Variants in PCP2 observed in about 807,000 individuals in gnomAD.
PCP2 encodes Purkinje cell protein 2 homolog.
A neutral mutation model predicts 18.3 loss-of-function variants in PCP2; 21 were observed. The observed-to-expected ratio is 1.14, with a 90% CI of 0.81 to 1.65. PCP2 has a LOEUF of 1.65. Ranked by LOEUF, PCP2 falls within the 40% of genes most tolerant of loss-of-function variation. The pLI is 0.00. For missense variants in PCP2, 202 were observed against 201.8 expected (o/e 1.00, Z 0.00); for synonymous variants, 85 against 77.6 (o/e 1.10, Z -0.50).
At position 7,632,457 on chromosome 19, in the gene PCP2, C is replaced by T. The variant is rs61741491; in HGVS notation, c.227G>A (p.Arg76His). ...TGTCACACGTTGGTCATCCATGCGG[C>T]GGCCCTGGGTACTGGCCAGCATGTC... Reference protein sequence around the residue: ...LMDMLASTQGRRMDDQRVTVS... With the variant: ...LMDMLASTQGHRMDDQRVTVS... The change falls in exon 3 of 4, where the codon CGC (arginine) becomes CAC (histidine). Residue 76 changes from arginine to histidine, a missense_variant. Coordinates refer to ENST00000311069, the MANE Select transcript of PCP2 (RefSeq NM_174895.3). This position sits in a 1 kb window ranked among gnomAD's most constrained non-coding sequence, Gnocchi z 5.2. 3,832 of 1,613,800 alleles carry T rather than the reference C, an allele frequency of 2.4e-3. 77 individuals are homozygous for T. In the African/African-American group the frequency reaches 0.044, roughly 18 times the overall value.
rs1400719882 is a variant in PCP2 at position 7,632,608 on chromosome 19, C to T, written c.167-91G>A. 3 of 1,589,672 alleles carry T rather than the reference C, an allele frequency of 1.9e-6. No individual in the cohort carries two copies. Among genetic ancestry groups the T allele is most frequent in the Admixed American group, 1.7e-5 (1 of 59,400 alleles). On this transcript the variant is annotated intron_variant, in intron 2 of 3. Transcript: ENST00000311069. This position sits in a 1 kb window ranked among gnomAD's most constrained non-coding sequence, Gnocchi z 5.2. ...ACCCCCACACAGATGCTTCAGGGTGCACAACCACCTCCCACATCCCGTGCC... is the reference window on the plus strand; with the variant it reads ...ACCCCCACACAGATGCTTCAGGGTGTACAACCACCTCCCACATCCCGTGCC...
upstream of PCP2, among the ~76,000 whole-genome samples, chr19:7,635,325 T>C (rs974369543): frequency 6.6e-6 from 1 of 152,218 alleles, no homozygotes; most frequent in Admixed American, 6.5e-5. Context: ...CCAAAAATAC[T>C]GAAAGCCATT....
chr19:7,631,769 G>T lies in PCP2; in HGVS notation c.331C>A (p.Pro111Thr), dbSNP rs141611388. Residue 111 changes from proline to threonine, a missense_variant, in exon 4 of 4, where the codon CCC becomes ACC. Physicochemically the swap from Pro to Thr is conservative, Grantham distance 38. Transcript: ENST00000311069. ...GTCGGGTCCTGAGGGGTGAGCAGGG[G>T]TTGGGGACTGAGGGTCCCAGCTCGT... Reference protein sequence around the residue: ...QKRAGTLSPQPLLTPQDPTAL... With the variant: ...QKRAGTLSPQTLLTPQDPTAL... The T allele has an allele frequency of 9.1e-5, 130 of 1,421,820 alleles. 1 individual carries two copies. In the East Asian group the frequency reaches 1.3e-3, roughly 14 times the overall value. The allele number at this position is 1,421,820 out of a possible 1,614,324, so 88.1% of individuals were successfully genotyped here.
Position 7,631,719 on chromosome 19 carries a change from G to T in PCP2, c.381C>A (p.Ser127Arg). 1 of 1,449,888 alleles carries T rather than the reference G, an allele frequency of 6.9e-7. No individual in the cohort carries two copies. The highest frequency in any genetic ancestry group is 1.5e-5 in the South Asian group (1 of 64,614). The allele number at this position is 1,449,888 out of a possible 1,614,324, so 89.8% of individuals were successfully genotyped here. Residue 127 changes from serine to arginine, a missense_variant, in exon 4 of 4, where the codon AGC (serine) becomes AGA (arginine). Coordinates refer to ENST00000311069, the MANE Select transcript of PCP2 (RefSeq NM_174895.3). ...GGGCTTGTGTCGGGGGCTGGGGGCT[G>T]CTGTTCCGACGGAAGCCGAGAGCGG... Reference protein sequence around the residue: ...DPTALGFRRNSSPQPPTQAP With the variant: ...DPTALGFRRNRSPQPPTQAP
At chr19:7,634,686 A>G (rs1416617733), upstream of PCP2, among the ~76,000 whole-genome samples, 2 of 152,086 alleles carry the variant, frequency 1.3e-5, no homozygotes, top group South Asian at 2.1e-4. Context: ...ATTTTTTTTT[A>G]ACAAATTTAT....
Position 7,632,252 on chromosome 19 carries a change from C to A in PCP2, c.291+141G>T. On this transcript the variant is annotated intron_variant, in intron 3 of 3. Coordinates refer to ENST00000311069, the MANE Select transcript of PCP2 (RefSeq NM_174895.3). This position sits in a 1 kb window ranked among gnomAD's most constrained non-coding sequence, Gnocchi z 5.2. ...TGGGCCCCTCTAGCCACTGCCTGGG[C>A]CTTGGTCCTCCCATCTGAAGTCAGG... 1.5e-6 allele frequency: 2 copies of A among 1,319,282 alleles called. No homozygotes were observed. The highest frequency in any genetic ancestry group is 1.9e-4 in the Middle Eastern group (1 of 5,268). 81.7% of individuals were successfully genotyped at this position (1,319,282 alleles called of 1,614,324 possible).
Position 7,632,520 on chromosome 19 carries a change from G to C in PCP2, c.167-3C>G. ...CATCTCGGGGGTGGGGTCGCTCTCT[G>C]CGTGGACGTTCACAGACTTGGGAGG... is the stretch of plus-strand genomic sequence containing the variant. On this transcript the variant is annotated splice_polypyrimidine_tract_variant and splice_region_variant and intron_variant, in intron 2 of 3. Coordinates refer to ENST00000311069, the MANE Select transcript of PCP2 (RefSeq NM_174895.3). This position sits in a 1 kb window ranked among gnomAD's most constrained non-coding sequence, Gnocchi z 5.2. 1 of 1,612,796 alleles carries C rather than the reference G, an allele frequency of 6.2e-7. No homozygotes were observed. The highest frequency in any genetic ancestry group is 8.5e-7 in the Non-Finnish European group (1 of 1,179,892).
In PCP2 at chr19:7,631,726, CGACGGAAG is replaced by C; in HGVS notation, c.366_373del (p.Phe123GlufsTer15). ...TGTCGGGGGCTGGGGGCTGCTGTTC[CGACGGAAG>C]CCGAGAGCGGTCGGGTCCTGAGGGG... is the stretch of plus-strand genomic sequence containing the variant. On this transcript the variant is annotated frameshift_variant, in exon 4 of 4. Transcript: ENST00000311069. LOFTEE classifies it high-confidence loss of function. The C allele has an allele frequency of 2.8e-6, 4 of 1,438,990 alleles. No individual in the cohort carries two copies. Among genetic ancestry groups the C allele is most frequent in the Non-Finnish European group, 3.7e-6 (4 of 1,093,536 alleles). The allele number at this position is 1,438,990 out of a possible 1,614,324, so 89.1% of individuals were successfully genotyped here.
At chr19:7,636,364 AGTGT>A (rs1282175968), upstream of PCP2, 3 of 151,972 alleles carry the variant, frequency 2.0e-5, no homozygotes, top group Admixed American at 6.6e-5. Context: ...TGAAATTCCG[AGTGT>A]GTGTCTGTGT....
At chr19:7,636,387 A>T (rs1008630685), upstream of PCP2, 3 of 152,170 alleles carry the variant, frequency 2.0e-5, no homozygotes, top group Non-Finnish European at 2.9e-5. Context: ...GTTTGCAAGC[A>T]TTTGAGGGCG....
At position 7,631,756 on chromosome 19, in the gene PCP2, G is replaced by A; in HGVS notation, c.344C>T (p.Pro115Leu). 7.0e-7 allele frequency: 1 copy of A among 1,432,622 alleles called. No individual in the cohort carries two copies. The allele number at this position is 1,432,622 out of a possible 1,614,324, so 88.7% of individuals were successfully genotyped here. ...GAAGCCGAGAGCGGTCGGGTCCTGA[G>A]GGGTGAGCAGGGGTTGGGGACTGAG... Reference protein sequence around the residue: ...GTLSPQPLLTPQDPTALGFRR... With the variant: ...GTLSPQPLLTLQDPTALGFRR... Residue 115 changes from proline (P) to leucine (L), a missense_variant, in exon 4 of 4, where the codon CCT becomes CTT. Coordinates refer to ENST00000311069, the MANE Select transcript of PCP2 (RefSeq NM_174895.3).
Position 7,632,033 on chromosome 19 carries a change from G to A in PCP2, c.292-225C>T, listed in dbSNP as rs1217813469. 2 of 490,044 alleles carry A rather than the reference G, an allele frequency of 4.1e-6. No individual in the cohort carries two copies. Among genetic ancestry groups the A allele is most frequent in the Non-Finnish European group, 7.0e-6 (2 of 284,586 alleles). 30.4% of individuals were successfully genotyped at this position (490,044 alleles called of 1,614,324 possible). On this transcript the variant is annotated intron_variant, in intron 3 of 3. Transcript: ENST00000311069. The surrounding 1 kb of genome is among the most constrained non-coding windows in gnomAD (Gnocchi z 5.2). ...TGATCAGAACCCAAGCTTCGTGTAT[G>A]TGTGAAGTCAACAGATGTGAGTATA...
chr19:7,635,223 T>TC (rs1469769512), upstream of PCP2, among the ~76,000 whole-genome samples: 1 of 152,156 alleles, frequency 6.6e-6, no homozygotes, highest in African/African-American at 2.4e-5. Flanking sequence ...TTCCCCGCCT[T>TC]CCCCTGCTCA....
chr19:7,634,680 T>C (rs548323613), upstream of PCP2, among the ~76,000 whole-genome samples: 1 of 152,380 alleles, frequency 6.6e-6, no homozygotes, highest in African/African-American at 2.4e-5. Context: ...TTTAAAATTT[T>C]TTTTTAACAA....
rs2031354593 is a variant in PCP2, at chr19:7,632,430, A to T, written c.254T>A (p.Val85Asp). Reference protein sequence around the residue: ...GRRMDDQRVTVSSLPGFQPVG... With the variant: ...GRRMDDQRVTDSSLPGFQPVG... ...GGGCTGGAAGCCGGGCAGGCTGCTG[A>T]CTGTCACACGTTGGTCATCCATGCG... is the stretch of plus-strand genomic sequence containing the variant. Residue 85 changes from valine (V) to aspartate (D), a missense_variant, in exon 3 of 4, where the codon GTC becomes GAC. Val to Asp is a radical substitution (Grantham distance 152, BLOSUM62 -3). Coordinates refer to ENST00000311069, the MANE Select transcript of PCP2 (RefSeq NM_174895.3). The surrounding 1 kb of genome is among the most constrained non-coding windows in gnomAD (Gnocchi z 5.2). The T allele has an allele frequency of 6.2e-7, 1 of 1,613,550 alleles. No individual in the cohort carries two copies. The highest frequency in any genetic ancestry group is 1.7e-5 in the Admixed American group (1 of 59,956).
rs2031386183 is a variant in PCP2 at position 7,632,879 on chromosome 19, C to T, written c.52-49G>A. 6.5e-7 allele frequency: 1 copy of T among 1,532,454 alleles called. No homozygotes were observed. Among genetic ancestry groups the T allele is most frequent in the South Asian group, 1.2e-5 (1 of 83,730 alleles). 94.9% of individuals were successfully genotyped at this position (1,532,454 alleles called of 1,614,324 possible). ...GGTTGGCCCTTCAGCTTGGGGGCCC[C>T]TCCCCAAACTTCCTAGCCAGCTTGC... On this transcript the variant is annotated intron_variant, in intron 1 of 3. Coordinates refer to ENST00000311069, the MANE Select transcript of PCP2 (RefSeq NM_174895.3). The surrounding 1 kb of genome is among the most constrained non-coding windows in gnomAD (Gnocchi z 5.2).
chr19:7,632,512 C>T lies in PCP2; in HGVS notation c.172G>A (p.Asp58Asn), dbSNP rs151036756. 1.1e-5 allele frequency: 18 copies of T among 1,613,050 alleles called. No homozygotes were observed. The highest frequency in any genetic ancestry group is 3.3e-5 in the Admixed American group (2 of 59,996). Residue 58 changes from aspartate (D) to asparagine (N), a missense_variant, in exon 3 of 4, where the codon GAC becomes AAC. By Grantham distance (23) the Asp-to-Asn change is conservative. Transcript: ENST00000311069. The surrounding 1 kb of genome is among the most constrained non-coding windows in gnomAD (Gnocchi z 5.2). ...AGGCTGTCCATCTCGGGGGTGGGGT[C>T]GCTCTCTGCGTGGACGTTCACAGAC... ...GPGQTTKSQS[D>N]PTPEMDSLMD...
Position 7,633,631 on chromosome 19 carries a change from G to C in PCP2, c.-174C>G. The C allele has an allele frequency of 1.5e-6, 1 of 650,956 alleles. No homozygotes were observed. The highest frequency in any genetic ancestry group is 2.6e-6 in the Non-Finnish European group (1 of 381,668). 40.3% of individuals were successfully genotyped at this position (650,956 alleles called of 1,614,324 possible). A position where few individuals can be genotyped will look rare whatever the true frequency, so the allele number is the denominator to read the frequency against. On this transcript the variant is annotated 5_prime_UTR_variant, in exon 1 of 4. Coordinates refer to ENST00000311069, the MANE Select transcript of PCP2 (RefSeq NM_174895.3). Reference sequence around the variant, plus strand: ...CCCCATAAAGATCATCCAGATAATTGTTTGCCCACAACGATGCTGGATCTG... The same window carrying C: ...CCCCATAAAGATCATCCAGATAATTCTTTGCCCACAACGATGCTGGATCTG...
rs2031346575 is a variant in PCP2, at chr19:7,632,306, C to T, written c.291+87G>A. 2 of 1,568,866 alleles carry T rather than the reference C, an allele frequency of 1.3e-6. No individual in the cohort carries two copies. Among genetic ancestry groups the T allele is most frequent in the Non-Finnish European group, 1.7e-6 (2 of 1,156,118 alleles). On this transcript the variant is annotated intron_variant, in intron 3 of 3. Transcript: ENST00000311069. The surrounding 1 kb of genome is among the most constrained non-coding windows in gnomAD (Gnocchi z 5.2). ...GCGGATGGACAGAGATGGGGCAGGC[C>T]CTGTTCCCTCCTGGCTGGGGTGGAG...
Sources: allele counts gnomAD v4.1 joint callset (sites outside exome capture counted in the v4.1 genomes callset), GRCh38; gene constraint gnomAD v4.1.1; non-coding constraint Gnocchi (gnomAD v3.1); transcripts MANE v1.5; gene names NCBI Gene and HGNC (gene_info 2026-07-23, HGNC 2026-07-21).